Variants in CCDC93 observed in about 807,000 individuals in gnomAD.
The protein encoded by CCDC93 is CCC complex scaffolding subunit CCDC93.
In CCDC93, 61 loss-of-function variants were observed where a neutral mutation model predicts 108.2. That is an observed-to-expected ratio of 0.56 (90% CI 0.46 to 0.70). The LOEUF (loss-of-function observed/expected upper bound fraction) is 0.70. CCDC93 is among the 30% of genes least tolerant of loss of function. The pLI is 0.00. For missense variants in CCDC93, 685 were observed against 764.2 expected (o/e 0.90, Z 1.22); for synonymous variants, 276 against 260.4 (o/e 1.06, Z -0.58).
chr2:117,931,055 A>T lies in CCDC93; in HGVS notation c.1824T>A (p.Thr608=). Residue 608 remains threonine, a synonymous_variant, in exon 23 of 24, where the codon ACT becomes ACA. Coordinates refer to ENST00000376300, the MANE Select transcript of CCDC93 (RefSeq NM_019044.5). ...CTCTTACCTCCTTGAACTCTTTCAC[A>T]GTCTTAAAGTATAGCCTCTGCTTTT... ...LLEKQRLYFK[T]VKEFKEEGRK... is the part of the protein sequence containing the mutation. 6.2e-7 allele frequency: 1 copy of T among 1,610,566 alleles called. No homozygotes were observed. The highest frequency in any genetic ancestry group is 8.5e-7 in the Non-Finnish European group (1 of 1,177,246).
chr2:118,010,143 G>A (rs4849656), intron 1 of CCDC93, among the ~76,000 whole-genome samples: 71,358 of 151,700 alleles, frequency 0.47, 17,428 homozygotes, highest in East Asian at 0.82. Context: ...TTTTAGTAGA[G>A]ATGGGGTTTC....
chr2:117,924,747 G>A (rs1266197583), intron 23 of CCDC93, among the ~76,000 whole-genome samples: 3 of 152,172 alleles, frequency 2.0e-5, no homozygotes, highest in African/African-American at 4.8e-5. Context: ...TAGCAAGGCA[G>A]GCCAACATTC....
chr2:117,956,270 T>C (rs568273823), intron 12 of CCDC93, among the ~76,000 whole-genome samples: 2 of 152,340 alleles, frequency 1.3e-5, no homozygotes, highest in Non-Finnish European at 2.9e-5. Flanking sequence ...CAGCCTGCTA[T>C]GTTAAGCAGT....
intron 23 of CCDC93, among the ~76,000 whole-genome samples, chr2:117,923,907 G>A (rs1304423118): frequency 6.6e-6 from 1 of 152,198 alleles, no homozygotes; most frequent in Admixed American, 6.5e-5. Context: ...ACATCACACA[G>A]CTGGGTACTC....
rs944280660 is a variant in CCDC93 at position 118,001,112 on chromosome 2, T to C, written c.252-180A>G. ...GAAAAATAAGCACAATTTGGTGGTG[T>C]GTAGGTGTGTGGTCACAAAACTGCC... On this transcript the variant is annotated intron_variant, in intron 3 of 23. Transcript: ENST00000376300. 1.1e-5 allele frequency: 6 copies of C among 527,338 alleles called. No homozygotes were observed. In the African/African-American group the frequency reaches 1.1e-4, roughly 10 times the overall value. The allele number at this position is 527,338 out of a possible 1,614,324, so 32.7% of individuals were successfully genotyped here.
chr2:117,976,872 A>T (rs1428739944), intron 8 of CCDC93, among the ~76,000 whole-genome samples: 1 of 145,788 alleles, frequency 6.9e-6, no homozygotes, highest in Non-Finnish European at 1.5e-5. Context: ...CAGCAGGGGG[A>T]GTGTGTCCTG....
chr2:118,011,972 T>C (rs1677031204), intron 1 of CCDC93, among the ~76,000 whole-genome samples: 2 of 152,178 alleles, frequency 1.3e-5, no homozygotes, highest in South Asian at 2.1e-4. Context: ...GGTTAATACA[T>C]CCAGTTGTTG....
At position 117,958,784 on chromosome 2, in the gene CCDC93, G is replaced by A. The variant is rs775070823; in HGVS notation, c.889-303C>T. Among the ~76,000 whole-genome samples the A allele has an allele frequency of 2.9e-4, 44 of 152,300 alleles. 1 individual carries two copies. Among genetic ancestry groups the A allele is most frequent in the Non-Finnish European group, 4.3e-4 (29 of 68,012 alleles). ...AGGTATCATCAAAAAGTCTTAAATAGGGGAATAACATGGCCATAGTAATAT... is the reference window on the plus strand; with the variant it reads ...AGGTATCATCAAAAAGTCTTAAATAAGGGAATAACATGGCCATAGTAATAT... On this transcript the variant is annotated intron_variant, in intron 11 of 23. Transcript: ENST00000376300.
intron 3 of CCDC93, among the ~76,000 whole-genome samples, chr2:118,002,412 A>T (rs1353655714): frequency 6.6e-6 from 1 of 152,222 alleles, no homozygotes; most frequent in South Asian, 2.1e-4. Context: ...CCTAGGAACT[A>T]AAGTTAAAAC....
intron 11 of CCDC93, among the ~76,000 whole-genome samples, chr2:117,969,313 G>C (rs1679687368): frequency 6.6e-6 from 1 of 152,176 alleles, no homozygotes; most frequent in South Asian, 2.1e-4. Flanking sequence ...TGAGCAGGTT[G>C]CAAGGAACTG....
At chr2:117,991,890 A>T (rs1348156618) in intron 6 of CCDC93, among the ~76,000 whole-genome samples, 1 of 152,048 alleles carries the variant, frequency 6.6e-6, no homozygotes, top group African/African-American at 2.4e-5. Flanking sequence ...ACTGACTCAC[A>T]AGAATAGGTC....
chr2:117,956,024 CA>C (rs1275844042), intron 12 of CCDC93, among the ~76,000 whole-genome samples: 1 of 152,142 alleles, frequency 6.6e-6, no homozygotes, highest in Non-Finnish European at 1.5e-5. Context: ...TGAAAACTGA[CA>C]GAAACAAAAG....
chr2:117,971,337 C>A (rs1172893640), intron 11 of CCDC93, among the ~76,000 whole-genome samples: 1 of 152,128 alleles, frequency 6.6e-6, no homozygotes, highest in Non-Finnish European at 1.5e-5. Context: ...CACTCTTTGC[C>A]TGGGCAACAG....
chr2:117,982,180 T>A (rs568290863), intron 7 of CCDC93, among the ~76,000 whole-genome samples: 1 of 136,220 alleles, frequency 7.3e-6, no homozygotes, highest in East Asian at 2.2e-4. Context: ...AAATTAGGCT[T>A]TGAATACTGA....
At chr2:117,936,561 G>A (rs750986015) in intron 21 of CCDC93, 141 bp downstream of exon 21, 55 of 746,310 alleles carry the variant, frequency 7.4e-5, no homozygotes, top group Non-Finnish European at 1.3e-4. Flanking sequence ...TTAGCAGAAG[G>A]GCTAAAAGAG....
intron 1 of CCDC93, chr2:118,012,943 A>G (rs1044501669): frequency 6.6e-6 from 1 of 152,220 alleles, no homozygotes; most frequent in African/African-American, 2.4e-5. Flanking sequence ...ACTGGCAGGT[A>G]AGTGTGAAGG....
chr2:117,930,730 C>G, intron 23 of CCDC93: 2 of 205,814 alleles, frequency 9.7e-6, no homozygotes, highest in Non-Finnish European at 1.9e-5. Flanking sequence ...ACAACAAATG[C>G]TGTTTCCAAG....
chr2:117,950,587 GTT>G (rs977128329), intron 13 of CCDC93: 3 of 985,284 alleles, frequency 3.0e-6, no homozygotes, highest in African/African-American at 1.7e-5. Flanking sequence ...GGAAGGGCAG[GTT>G]TTGCTGAAGA....
chr2:117,946,918 C>A (rs1422138575), intron 15 of CCDC93, 36 bp from the exon 16 acceptor site: 5 of 1,462,316 alleles, frequency 3.4e-6, no homozygotes, highest in African/African-American at 2.8e-5. Flanking sequence ...AAAATTCAGA[C>A]AAGGAGTAAT....
Sources: gnomAD v4.1 joint callset for allele counts (sites outside exome capture counted in the v4.1 genomes callset) on GRCh38, gnomAD v4.1.1 for gene constraint, MANE v1.5 for transcripts, NCBI Gene and HGNC (gene_info 2026-07-23, HGNC 2026-07-21) for gene names.